Variants in WWOX observed in about 807,000 individuals in gnomAD.
The protein encoded by WWOX is WW domain containing oxidoreductase.
In WWOX, 69 loss-of-function variants were observed where a neutral mutation model predicts 46.2. The ratio of observed to expected loss-of-function variants is 1.49; its 90% CI spans 1.23 to 1.82. The LOEUF (loss-of-function observed/expected upper bound fraction) is 1.82, where lower values mean the gene tolerates loss of function less well. Among genes scored for constraint, WWOX ranks in the 40% most tolerant of loss-of-function variants. WWOX has a pLI of 0.00. For missense variants in WWOX, 919 were observed against 542.6 expected (o/e 1.69, Z -6.89); for synonymous variants, 359 against 202.6 (o/e 1.77, Z -6.56).
intron 8 of WWOX, among the ~76,000 whole-genome samples, chr16:79,190,291 C>T (rs757220029): frequency 3.9e-5 from 6 of 152,092 alleles, no homozygotes; most frequent in Non-Finnish European, 7.4e-5. Context: ...TCTCACAGTG[C>T]TGGGATTACA....
chr16:78,982,373 G>T (rs1184360099), intron 8 of WWOX, among the ~76,000 whole-genome samples: 1 of 152,166 alleles, frequency 6.6e-6, no homozygotes, highest in Non-Finnish European at 1.5e-5. Context: ...TCATAGTACA[G>T]CGTGCCATTG....
intron 8 of WWOX, among the ~76,000 whole-genome samples, chr16:78,481,522 T>C (rs184224344): frequency 1.2e-4 from 18 of 152,220 alleles, no homozygotes; most frequent in Non-Finnish European, 2.4e-4. Flanking sequence ...TCATTAGCCC[T>C]GGGAGAGTCA....
At chr16:78,250,142 T>C (rs745817598) in intron 5 of WWOX, among the ~76,000 whole-genome samples, 9 of 152,164 alleles carry the variant, frequency 5.9e-5, no homozygotes, top group Non-Finnish European at 1.0e-4. Flanking sequence ...TCCTCATTTG[T>C]GTAACAGTAG....
intron 5 of WWOX, among the ~76,000 whole-genome samples, chr16:78,209,475 A>C (rs1326871357): frequency 6.6e-6 from 1 of 152,214 alleles, no homozygotes; most frequent in Non-Finnish European, 1.5e-5. Context: ...CAATATAAGA[A>C]ATTGTCTTAG....
chr16:79,061,915 A>G (rs1377413931), intron 8 of WWOX, among the ~76,000 whole-genome samples: 2 of 152,190 alleles, frequency 1.3e-5, no homozygotes, highest in Non-Finnish European at 2.9e-5. Context: ...ACAGTAACTG[A>G]GGATCACTGT....
chr16:78,849,503 G>A (rs2052386202), intron 8 of WWOX, among the ~76,000 whole-genome samples: 1 of 150,822 alleles, frequency 6.6e-6, no homozygotes, highest in Non-Finnish European at 1.5e-5. Context: ...GAACCCGGGA[G>A]GCGGAGCTTG....
chr16:78,458,980 A>T (rs1054376644), intron 8 of WWOX, among the ~76,000 whole-genome samples: 9 of 152,208 alleles, frequency 5.9e-5, no homozygotes, highest in African/African-American at 1.9e-4. Flanking sequence ...AACTACTTGA[A>T]GTTGTCCCAG....
At chr16:78,309,268 T>G (rs1340569863) in intron 5 of WWOX, among the ~76,000 whole-genome samples, 2 of 152,192 alleles carry the variant, frequency 1.3e-5, no homozygotes, top group Non-Finnish European at 2.9e-5. Context: ...TTTGGTAGTT[T>G]CTCTGCGTTC....
At chr16:78,377,646 G>T (rs2081861822) in intron 5 of WWOX, among the ~76,000 whole-genome samples, 3 of 152,204 alleles carry the variant, frequency 2.0e-5, no homozygotes, top group Admixed American at 2.0e-4. Flanking sequence ...AAGCTGCAAA[G>T]TGAATATATT....
chr16:79,199,671 G>C (rs1438980379), intron 8 of WWOX, among the ~76,000 whole-genome samples: 3 of 152,138 alleles, frequency 2.0e-5, no homozygotes, highest in Non-Finnish European at 4.4e-5. Context: ...CCCTGTATGG[G>C]ATTCATACAT....
At chr16:78,833,014 G>C (rs1488597044) in intron 8 of WWOX, among the ~76,000 whole-genome samples, 1 of 150,532 alleles carries the variant, frequency 6.6e-6, no homozygotes, top group Non-Finnish European at 1.5e-5. Flanking sequence ...AAGTGGCCAG[G>C]CTCAGCCTTT....
At chr16:79,186,143 C>T (rs1333870727) in intron 8 of WWOX, among the ~76,000 whole-genome samples, 1 of 152,110 alleles carries the variant, frequency 6.6e-6, no homozygotes, top group Non-Finnish European at 1.5e-5. Flanking sequence ...CTAAAGGATA[C>T]ATCCAGGACT....
At position 79,211,735 on chromosome 16, in the gene WWOX, G is replaced by T; in HGVS notation, c.1184G>T (p.Arg395Leu). 2.5e-6 allele frequency: 4 copies of T among 1,614,184 alleles called. No homozygotes were observed. Among genetic ancestry groups the T allele is most frequent in the East Asian group, 2.2e-5 (1 of 44,872 alleles). Reference sequence around the variant, plus strand: ...GAAGCTCAGAGCGAAGAGACGGCCCGGACCCTGTGGGCGCTCAGCGAGAGG... The same window carrying T: ...GAAGCTCAGAGCGAAGAGACGGCCCTGACCCTGTGGGCGCTCAGCGAGAGG... ...SPEAQSEETARTLWALSERLI... is the reference protein window; with the variant it reads ...SPEAQSEETALTLWALSERLI... The change falls in exon 9 of 9, where the codon CGG (arginine) becomes CTG (leucine). Residue 395 changes from arginine to leucine, a missense_variant. Arg to Leu is a moderately radical substitution (Grantham distance 102). Coordinates refer to ENST00000566780, the MANE Select transcript of WWOX (RefSeq NM_016373.4).
intron 8 of WWOX, among the ~76,000 whole-genome samples, chr16:78,632,722 C>A (rs2046464401): frequency 6.6e-6 from 1 of 151,728 alleles, no homozygotes. Flanking sequence ...CCACGCCCAG[C>A]TGATTTTGTA....
chr16:78,818,313 T>C (rs1330912429), intron 8 of WWOX, among the ~76,000 whole-genome samples: 1 of 152,192 alleles, frequency 6.6e-6, no homozygotes, highest in Admixed American at 6.5e-5. Context: ...GCCCCAGCCC[T>C]GCCACACCAT....
At chr16:79,106,052 G>A (rs545185473) in intron 8 of WWOX, 1 of 152,134 alleles carries the variant, frequency 6.6e-6, no homozygotes, top group Non-Finnish European at 1.5e-5. Context: ...ATGCTTTTCA[G>A]TAATAAGTTC....
In WWOX at chr16:78,823,761, C is replaced by T. The variant is rs549565068; in HGVS notation, c.1057-387847C>T. Among the ~76,000 whole-genome samples, 7 of 149,144 alleles carry T rather than the reference C, an allele frequency of 4.7e-5. No individual in the cohort carries two copies. In the East Asian group the frequency reaches 1.4e-3, roughly 30 times the overall value. On this transcript the variant is annotated intron_variant, in intron 8 of 8. Coordinates refer to ENST00000566780, the MANE Select transcript of WWOX (RefSeq NM_016373.4). ...TAAGGGGATGGAAGGATTGGCTACC[C>T]TGAGCTTTCTAGACTTGTTATTTTT... is the stretch of plus-strand genomic sequence containing the variant.
intron 8 of WWOX, among the ~76,000 whole-genome samples, chr16:79,140,121 T>G (rs1010130566): frequency 3.9e-4 from 60 of 152,192 alleles, no homozygotes; most frequent in African/African-American, 1.4e-3. Flanking sequence ...TCCTTACCTG[T>G]GTTTTGTGGT....
chr16:78,921,662 A>T (rs551241107), intron 8 of WWOX, among the ~76,000 whole-genome samples: 1 of 152,172 alleles, frequency 6.6e-6, no homozygotes, highest in East Asian at 1.9e-4. Context: ...TAAGAGAGGA[A>T]TGGGTTCCTG....
Sources: allele counts gnomAD v4.1 joint callset (sites outside exome capture counted in the v4.1 genomes callset), GRCh38; gene constraint gnomAD v4.1.1; transcripts MANE v1.5; gene names NCBI Gene and HGNC (gene_info 2026-07-23, HGNC 2026-07-21).